UBAC2: variants seen among roughly 807,000 people sequenced by gnomAD.
UBAC2 encodes ubiquitin-associated domain-containing protein 2.
A neutral mutation model predicts 44.0 loss-of-function variants in UBAC2; 26 were observed. The observed-to-expected ratio is 0.59, with a 90% CI of 0.43 to 0.82. The LOEUF (loss-of-function observed/expected upper bound fraction) is 0.82. UBAC2 is among the 40% of genes least tolerant of loss of function. The probability of loss-of-function intolerance (pLI) is 0.00; values close to 1 mark genes in which losing one functional copy is unlikely to be tolerated. For synonymous variants in UBAC2, 155 were observed against 154.3 expected, an observed-to-expected ratio of 1.00 and a Z score of -0.04; for missense variants, 329 against 419.4, an observed-to-expected ratio of 0.78 and a Z score of 1.88.
intron 8 of UBAC2, among the ~76,000 whole-genome samples, chr13:99,373,852 C>T (rs1201147923): frequency 6.6e-6 from 1 of 152,102 alleles, no homozygotes; most frequent in African/African-American, 2.4e-5. Context: ...GGATCTTACA[C>T]AAGAAACACC....
chr13:99,210,482 T>A (rs2042925142), intron 1 of UBAC2, among the ~76,000 whole-genome samples: 1 of 149,394 alleles, frequency 6.7e-6, no homozygotes. Context: ...TCTTTTCTTT[T>A]TTTTTTTTTT....
rs569942705 is a variant in UBAC2 at position 99,250,432 on chromosome 13, T to A, written c.389+5808T>A. The stretch of plus-strand genomic sequence containing the variant: ...CCACTGGTCTGTATGTCTGTTTTTG[T>A]ACCAGTACCATGCTGTTTTGCTTAC... On this transcript the variant is annotated intron_variant, in intron 4 of 8. Coordinates refer to ENST00000403766, the MANE Select transcript of UBAC2 (RefSeq NM_001144072.2). Among the ~76,000 whole-genome samples, 6 of 152,352 alleles carry A rather than the reference T, an allele frequency of 3.9e-5. No individual in the cohort carries two copies. In the South Asian group the frequency reaches 1.2e-3, roughly 32 times the overall value.
At chr13:99,299,327 G>T (rs1777796254) in intron 4 of UBAC2, among the ~76,000 whole-genome samples, 1 of 152,202 alleles carries the variant, frequency 6.6e-6, no homozygotes, top group South Asian at 2.1e-4. Flanking sequence ...CAGCCATGCA[G>T]TGAATACAGT....
chr13:99,374,636 C>T (rs2045456344), intron 8 of UBAC2, among the ~76,000 whole-genome samples: 1 of 152,188 alleles, frequency 6.6e-6, no homozygotes, highest in African/African-American at 2.4e-5. Flanking sequence ...TTACCACTGT[C>T]TCCAGAAAAC....
chr13:99,325,098 C>G (rs990692700), intron 6 of UBAC2, among the ~76,000 whole-genome samples: 5 of 86,142 alleles, frequency 5.8e-5, no homozygotes, highest in African/African-American at 1.9e-4. Context: ...TGTCTATGCT[C>G]TTTTTTTTTT....
intron 4 of UBAC2, among the ~76,000 whole-genome samples, chr13:99,247,068 T>C (rs2043392633): frequency 1.3e-5 from 2 of 152,204 alleles, no homozygotes; most frequent in South Asian, 2.1e-4. Flanking sequence ...ATTCCTGGGC[T>C]CAAGTGATCC....
intron 4 of UBAC2, among the ~76,000 whole-genome samples, chr13:99,251,123 C>T (rs1382222471): frequency 6.6e-6 from 1 of 151,942 alleles, no homozygotes; most frequent in Non-Finnish European, 1.5e-5. Flanking sequence ...TAGATGTATT[C>T]CTAGGTATCT....
chr13:99,386,312 G>A lies in UBAC2; in HGVS notation c.*977G>A, dbSNP rs968568981. The A allele has an allele frequency of 2.6e-5, 4 of 152,258 alleles. No homozygotes were observed. Among genetic ancestry groups the A allele is most frequent in the Admixed American group, 6.5e-5 (1 of 15,282 alleles). The allele number at this position is 152,258 out of a possible 1,614,324, so 9.4% of individuals were successfully genotyped here. Reference sequence around the variant, plus strand: ...GACCGCCATGAGCATGAAAAGACCCGAAGCAAGTTGACTCTTGCAATGTGC... The same window carrying A: ...GACCGCCATGAGCATGAAAAGACCCAAAGCAAGTTGACTCTTGCAATGTGC... On this transcript the variant is annotated 3_prime_UTR_variant, in exon 9 of 9. Coordinates refer to ENST00000403766, the MANE Select transcript of UBAC2 (RefSeq NM_001144072.2).
intron 1 of UBAC2, among the ~76,000 whole-genome samples, chr13:99,210,897 C>T (rs897629003): frequency 6.6e-6 from 1 of 152,206 alleles, no homozygotes; most frequent in Admixed American, 6.5e-5. Flanking sequence ...CAGGTGTGAG[C>T]CACCATGCTG....
At chr13:99,269,700 T>C (rs973295702) in intron 4 of UBAC2, among the ~76,000 whole-genome samples, 22 of 152,222 alleles carry the variant, frequency 1.4e-4, no homozygotes, top group African/African-American at 5.1e-4. Context: ...TTCATATTAT[T>C]ACTACGAATT....
chr13:99,252,914 A>G (rs529861696), intron 4 of UBAC2, among the ~76,000 whole-genome samples: 2 of 152,150 alleles, frequency 1.3e-5, no homozygotes, highest in South Asian at 2.1e-4. Flanking sequence ...TCTTATCAAG[A>G]CAAGCTATGG....
chr13:99,314,131 T>C lies in UBAC2; in HGVS notation c.424T>C (p.Tyr142His). The change falls in exon 5 of 9, where the codon TAC becomes CAC. Residue 142 changes from tyrosine (Y) to histidine (H), a missense_variant. Physicochemically the swap from Tyr to His is moderately conservative, Grantham distance 83. Coordinates refer to ENST00000403766, the MANE Select transcript of UBAC2 (RefSeq NM_001144072.2). ...APVFALFVPF[Y>H]CSIPRVQVAQ... ...TGTGTTTGCTCTGTTTGTACCATTT[T>C]ACTGCTCCATACCAAGAGTCCAAGT... 6.2e-7 allele frequency: 1 copy of C among 1,613,618 alleles called. No homozygotes were observed. The highest frequency in any genetic ancestry group is 2.2e-5 in the East Asian group (1 of 44,870).
intron 7 of UBAC2, among the ~76,000 whole-genome samples, chr13:99,354,409 A>G (rs1013880926): frequency 4.6e-5 from 7 of 152,242 alleles, no homozygotes; most frequent in Non-Finnish European, 5.9e-5. Context: ...GCTTAAGGCT[A>G]TCTAGTCCAG....
rs2044851500 is a variant in UBAC2, at chr13:99,339,493, T to TGTGTA, written c.562-825_562-821dup. On this transcript the variant is annotated intron_variant, in intron 6 of 8. Transcript: ENST00000403766. ...TCTAAGTTCCCAGAACAGTGCCTGG[T>TGTGTA]GTGTAGCACAGTCTCAAAGAATTCT... Among the ~76,000 whole-genome samples the TGTGTA allele has an allele frequency of 2.0e-5, 3 of 152,238 alleles. No individual in the cohort carries two copies. The South Asian group carries it at 6.2e-4, about 32-fold the overall frequency.
intron 1 of UBAC2, among the ~76,000 whole-genome samples, chr13:99,231,952 G>A (rs2043177970): frequency 6.6e-6 from 1 of 152,186 alleles, no homozygotes; most frequent in South Asian, 2.1e-4. Context: ...TCTATGTACT[G>A]AAGAGCTGGT....
chr13:99,284,863 A>G (rs944923046), intron 4 of UBAC2, among the ~76,000 whole-genome samples: 1 of 152,328 alleles, frequency 6.6e-6, no homozygotes, highest in South Asian at 2.1e-4. Flanking sequence ...GAAGCAGTAG[A>G]TGAAAATAAT....
chr13:99,367,093 CTT>C (rs2045341090), intron 7 of UBAC2, among the ~76,000 whole-genome samples: 1 of 152,088 alleles, frequency 6.6e-6, no homozygotes, highest in African/African-American at 2.4e-5. Flanking sequence ...ATGGTGGCTT[CTT>C]TTTTGTTGGT....
At chr13:99,278,625 A>G (rs923976230) in intron 4 of UBAC2, among the ~76,000 whole-genome samples, 1 of 152,212 alleles carries the variant, frequency 6.6e-6, no homozygotes, top group African/African-American at 2.4e-5. Flanking sequence ...TAAAAATAGG[A>G]CTACCTGGAT....
chr13:99,359,603 C>G (rs1434118391), intron 7 of UBAC2, among the ~76,000 whole-genome samples: 1 of 152,220 alleles, frequency 6.6e-6, no homozygotes, highest in Non-Finnish European at 1.5e-5. Flanking sequence ...CTGGTCCCCT[C>G]CCCGCTTGGG....
Sources: allele counts gnomAD v4.1 joint callset (sites outside exome capture counted in the v4.1 genomes callset), GRCh38; gene constraint gnomAD v4.1.1; transcripts MANE v1.5; gene names NCBI Gene and HGNC (gene_info 2026-07-23, HGNC 2026-07-21).